The following PIK3CA variants were observed in gnomAD, a reference collection of about 807,000 sequenced individuals.
PIK3CA encodes the protein phosphatidylinositol-4,5-bisphosphate 3-kinase catalytic subunit alpha.
A neutral mutation model predicts 138.2 loss-of-function variants in PIK3CA; 27 were observed. That is an observed-to-expected ratio of 0.20 (90% CI 0.14 to 0.27). The LOEUF is 0.27. Ranked by LOEUF, PIK3CA falls within the 10% of genes least tolerant of loss-of-function variation. The probability of loss-of-function intolerance (pLI) is 1.00; values close to 1 mark genes in which losing one functional copy is unlikely to be tolerated. For synonymous variants in PIK3CA, 358 were observed against 413.2 expected (o/e 0.87, Z 1.62); for missense variants, 544 against 1,277.4 (o/e 0.43, Z 8.75).
chr3:179,158,825 A>G (rs1469565953), intron 1 of PIK3CA, among the ~76,000 whole-genome samples: 1 of 152,170 alleles, frequency 6.6e-6, no homozygotes, highest in Non-Finnish European at 1.5e-5. Context: ...TGCCACTGAT[A>G]CGAGTTTCTG....
intron 10 of PIK3CA, among the ~76,000 whole-genome samples, chr3:179,218,852 C>T (rs542210999): frequency 1.1e-4 from 16 of 152,036 alleles, no homozygotes; most frequent in African/African-American, 3.9e-4. Context: ...GAAGTGGTGA[C>T]TCTATGATTC....
intron 15 of PIK3CA, 22 bp from the exon 16 acceptor site, chr3:179,224,678 A>G (rs1470566116): frequency 4.0e-6 from 6 of 1,513,360 alleles, no homozygotes; most frequent in Non-Finnish European, 5.4e-6. Flanking sequence ...GGTACCTAGT[A>G]AAGTTTTTAA....
At position 179,219,873 on chromosome 3, in the gene PIK3CA, C is replaced by T; in HGVS notation, c.1912-76C>T. 6.3e-7 allele frequency: 1 copy of T among 1,576,900 alleles called. No individual in the cohort carries two copies. Among genetic ancestry groups the T allele is most frequent in the Non-Finnish European group, 8.6e-7 (1 of 1,165,386 alleles). On this transcript the variant is annotated intron_variant, in intron 12 of 20. Transcript: ENST00000263967. The surrounding 1 kb of genome is among the most constrained non-coding windows in gnomAD (Gnocchi z 4.2). ...AAAAAATTATTACCAGTAATATCCA[C>T]TTTCTTTCTGAAAAAATTTTCTTTA...
At chr3:179,159,424 C>T (rs1378285959) in intron 1 of PIK3CA, among the ~76,000 whole-genome samples, 1 of 152,170 alleles carries the variant, frequency 6.6e-6, no homozygotes, top group Non-Finnish European at 1.5e-5. Flanking sequence ...TCTATATGTA[C>T]ACACAAATGT....
At chr3:179,163,354 C>T (rs9833608) in intron 1 of PIK3CA, among the ~76,000 whole-genome samples, 3,016 of 152,188 alleles carry the variant, frequency 0.02, 104 homozygotes, top group African/African-American at 0.068. Flanking sequence ...AACAATCATT[C>T]GTTCGACTCT....
chr3:179,229,563 AT>A (rs1725165801), intron 18 of PIK3CA, 121 bp downstream of exon 18: 1 of 623,904 alleles, frequency 1.6e-6, no homozygotes, highest in Admixed American at 3.7e-5. Context: ...ATGGAAAAAA[AT>A]ATGCTCAACC....
intron 1 of PIK3CA, among the ~76,000 whole-genome samples, chr3:179,170,668 A>G (rs1287623875): frequency 1.3e-5 from 2 of 152,230 alleles, no homozygotes; most frequent in African/African-American, 4.8e-5. Context: ...GTCAGCCAAA[A>G]TAGATTGTAA....
rs574634103 is a variant in PIK3CA at position 179,170,066 on chromosome 3, ACGCGCGCG to A, written c.-77+21467_-77+21474del. ...CACAGACATGCACATGCGCGTGCAC[ACGCGCGCG>A]CGCACACACACACACACACACACAC... On this transcript the variant is annotated intron_variant, in intron 1 of 20. Transcript: ENST00000263967. Among the ~76,000 whole-genome samples, 12 of 107,598 alleles carry A rather than the reference ACGCGCGCG, an allele frequency of 1.1e-4. No individual in the cohort carries two copies. In the South Asian group the frequency reaches 4.3e-3, roughly 38 times the overall value. 70.6% of individuals were successfully genotyped at this position (107,598 alleles called of 152,430 possible).
At chr3:179,151,905 C>T (rs1723023503) in intron 1 of PIK3CA, among the ~76,000 whole-genome samples, 1 of 152,194 alleles carries the variant, frequency 6.6e-6, no homozygotes, top group African/African-American at 2.4e-5. Context: ...TAGCATTAAC[C>T]TCACTGCATT....
intron 1 of PIK3CA, among the ~76,000 whole-genome samples, chr3:179,183,434 A>G (rs1723899316): frequency 6.6e-6 from 1 of 152,230 alleles, no homozygotes; most frequent in Non-Finnish European, 1.5e-5. Flanking sequence ...TAGTTGGAAG[A>G]AAATGTATTA....
rs1724891555 is a variant in PIK3CA, at chr3:179,218,408, A to C, written c.1664+74A>C. ...AAAATAACTGAATTTGGCTGATCTC[A>C]GCATGTTTTTACCATACCTATTGGA... On this transcript the variant is annotated intron_variant, in intron 10 of 20. Transcript: ENST00000263967. 3 of 1,293,434 alleles carry C rather than the reference A, an allele frequency of 2.3e-6. No individual in the cohort carries two copies. The South Asian group carries it at 4.6e-5, about 20-fold the overall frequency. 80.1% of individuals were successfully genotyped at this position (1,293,434 alleles called of 1,614,324 possible).
At chr3:179,192,157 T>A (rs1366962739) in intron 1 of PIK3CA, among the ~76,000 whole-genome samples, 1 of 152,138 alleles carries the variant, frequency 6.6e-6, no homozygotes, top group Non-Finnish European at 1.5e-5. Flanking sequence ...TTGCCACATT[T>A]TGAGATGAAT....
intron 1 of PIK3CA, among the ~76,000 whole-genome samples, chr3:179,173,329 C>CA (rs1723608176): frequency 7.3e-6 from 1 of 137,828 alleles, no homozygotes; most frequent in East Asian, 2.3e-4. Flanking sequence ...GAGGCTGAGG[C>CA]GGGTTGATCA....
intron 1 of PIK3CA, among the ~76,000 whole-genome samples, chr3:179,164,757 T>C (rs1723373603): frequency 1.3e-5 from 2 of 151,844 alleles, no homozygotes. Context: ...TAATTCCAGC[T>C]ACTCAGAAGG....
At chr3:179,222,312 G>A (rs913586631) in intron 14 of PIK3CA, among the ~76,000 whole-genome samples, 1 of 151,972 alleles carries the variant, frequency 6.6e-6, no homozygotes, top group African/African-American at 2.4e-5. Flanking sequence ...ATTGAAGTGT[G>A]ATATATAAAT....
intron 9 of PIK3CA, among the ~76,000 whole-genome samples, chr3:179,216,007 A>G (rs1041966997): frequency 6.6e-5 from 10 of 152,172 alleles, no homozygotes; most frequent in African/African-American, 2.2e-4. Flanking sequence ...CATCCTGCTA[A>G]GTTATGGCTA....
At chr3:179,190,307 A>ACC (rs61660360) in intron 1 of PIK3CA, among the ~76,000 whole-genome samples, 25 of 129,728 alleles carry the variant, frequency 1.9e-4, no homozygotes, top group African/African-American at 3.0e-4. Context: ...TATATAGTGC[A>ACC]CCCCCCCCAC....
intron 16 of PIK3CA, among the ~76,000 whole-genome samples, chr3:179,225,077 A>AC (rs1725052184): frequency 6.7e-6 from 1 of 148,740 alleles, no homozygotes; most frequent in South Asian, 2.2e-4. Flanking sequence ...CCTGCCTCCA[A>AC]CCCCCCTCCC....
At chr3:179,209,004 ATATATT>A (rs1016371181) in intron 6 of PIK3CA, among the ~76,000 whole-genome samples, 4 of 147,622 alleles carry the variant, frequency 2.7e-5, no homozygotes, top group African/African-American at 9.8e-5. Context: ...AATAATAAAT[ATATATT>A]TATATTATGT....
Sources: gnomAD v4.1 joint callset for allele counts (sites outside exome capture counted in the v4.1 genomes callset) on GRCh38, gnomAD v4.1.1 for gene constraint, Gnocchi (gnomAD v3.1) non-coding constraint, MANE v1.5 for transcripts, NCBI Gene and HGNC (gene_info 2026-07-23, HGNC 2026-07-21) for gene names.